CTNNA3: variants seen among roughly 807,000 people sequenced by gnomAD.
CTNNA3 encodes the protein catenin alpha 3.
Under a neutral mutation model 95.7 loss-of-function variants are expected in CTNNA3, and 76 were observed. The observed-to-expected ratio is 0.79, with a 90% CI of 0.66 to 0.96. The LOEUF is 0.96. CTNNA3 is among the 40% of genes least tolerant of loss of function. The pLI is 0.00. For missense variants in CTNNA3, 1,191 were observed against 1,089.8 expected (o/e 1.09, Z -1.31); for synonymous variants, 431 against 374.4 (o/e 1.15, Z -1.74).
chr10:66,908,486 A>G (rs2132549586), intron 7 of CTNNA3, among the ~76,000 whole-genome samples: 1 of 152,292 alleles, frequency 6.6e-6, no homozygotes, highest in East Asian at 1.9e-4. Flanking sequence ...GCAGACTACC[A>G]AAGACACTAT....
intron 7 of CTNNA3, among the ~76,000 whole-genome samples, chr10:67,103,517 G>A (rs1858459488): frequency 1.3e-5 from 2 of 151,692 alleles, no homozygotes; most frequent in African/African-American, 4.8e-5. Context: ...CAGGCACTAT[G>A]CCCTCCTCTC....
At chr10:67,258,034 C>A (rs1272085589) in intron 5 of CTNNA3, among the ~76,000 whole-genome samples, 3 of 152,152 alleles carry the variant, frequency 2.0e-5, no homozygotes, top group Non-Finnish European at 4.4e-5. Flanking sequence ...TGCCAGTCAC[C>A]TGGGTTTCAG....
chr10:66,872,929 A>G (rs899122883), intron 7 of CTNNA3, among the ~76,000 whole-genome samples: 4 of 152,152 alleles, frequency 2.6e-5, no homozygotes, highest in Admixed American at 2.0e-4. Flanking sequence ...TCCCACTTGT[A>G]AGTGAGAACA....
At chr10:67,551,786 A>T (rs1375448359) in intron 3 of CTNNA3, among the ~76,000 whole-genome samples, 1 of 152,100 alleles carries the variant, frequency 6.6e-6, no homozygotes. Flanking sequence ...TATCAATCAC[A>T]CTATTTTAGG....
intron 7 of CTNNA3, among the ~76,000 whole-genome samples, chr10:66,952,379 T>C (rs1028291744): frequency 1.3e-5 from 2 of 152,166 alleles, no homozygotes; most frequent in Non-Finnish European, 2.9e-5. Context: ...AATCAAATCT[T>C]CAGAGACAAA....
At chr10:66,589,516 A>G (rs1007338361) in intron 10 of CTNNA3, among the ~76,000 whole-genome samples, 1 of 152,084 alleles carries the variant, frequency 6.6e-6, no homozygotes, top group East Asian at 1.9e-4. Flanking sequence ...GTTCCTCTAC[A>G]TATCATTGTG....
At chr10:67,375,528 G>A (rs1258957457) in intron 5 of CTNNA3, among the ~76,000 whole-genome samples, 6 of 151,910 alleles carry the variant, frequency 3.9e-5, no homozygotes, top group African/African-American at 1.2e-4. Flanking sequence ...CAAGAGAATC[G>A]CTTCAACTCG....
At chr10:67,743,140 T>A (rs1841352514) in intron 1 of CTNNA3, among the ~76,000 whole-genome samples, 1 of 151,420 alleles carries the variant, frequency 6.6e-6, no homozygotes, top group East Asian at 1.9e-4. Flanking sequence ...GAATCCTCCC[T>A]AACTCATTTT....
intron 9 of CTNNA3, among the ~76,000 whole-genome samples, chr10:66,655,960 G>A (rs1846061333): frequency 1.3e-5 from 2 of 152,044 alleles, no homozygotes; most frequent in Non-Finnish European, 1.5e-5. Context: ...GCTCATATCT[G>A]TCATAGGAAT....
intron 5 of CTNNA3, among the ~76,000 whole-genome samples, chr10:67,497,629 C>T (rs1214739525): frequency 2.0e-5 from 3 of 152,164 alleles, no homozygotes; most frequent in African/African-American, 7.2e-5. Flanking sequence ...GCCATTCTAA[C>T]TGGCGTGAGA....
At chr10:66,814,316 A>C (rs1841997270) in intron 7 of CTNNA3, among the ~76,000 whole-genome samples, 1 of 151,942 alleles carries the variant, frequency 6.6e-6, no homozygotes, top group African/African-American at 2.4e-5. Flanking sequence ...TGCAAGACAG[A>C]GGAAACTAGA....
chr10:67,213,898 CA>C (rs1864241199), intron 6 of CTNNA3, among the ~76,000 whole-genome samples: 1 of 151,730 alleles, frequency 6.6e-6, no homozygotes, highest in Non-Finnish European at 1.5e-5. Context: ...TTTATCCTAT[CA>C]GTAGATAGTA....
At chr10:67,193,926 A>T (rs894144953) in intron 6 of CTNNA3, among the ~76,000 whole-genome samples, 1 of 152,088 alleles carries the variant, frequency 6.6e-6, no homozygotes, top group Non-Finnish European at 1.5e-5. Context: ...TTAGGCTCCC[A>T]CTAGCTGTGT....
At chr10:67,621,608 G>T (rs1399229696) in intron 2 of CTNNA3, among the ~76,000 whole-genome samples, 1 of 152,032 alleles carries the variant, frequency 6.6e-6, no homozygotes, top group Admixed American at 6.6e-5. Flanking sequence ...AATTAGCTGG[G>T]CATGATGGTG....
intron 2 of CTNNA3, among the ~76,000 whole-genome samples, chr10:67,608,841 A>T (rs1843360908): frequency 6.6e-6 from 1 of 152,178 alleles, no homozygotes; most frequent in South Asian, 2.1e-4. Flanking sequence ...CCATAATCCT[A>T]GCACTCTGGG....
chr10:67,463,981 C>T (rs1165975381), intron 5 of CTNNA3, among the ~76,000 whole-genome samples: 4 of 152,136 alleles, frequency 2.6e-5, no homozygotes, highest in Non-Finnish European at 5.9e-5. Flanking sequence ...TATGCTCCTA[C>T]GAATGCTCTA....
intron 7 of CTNNA3, among the ~76,000 whole-genome samples, chr10:66,812,261 T>C (rs1229229051): frequency 6.6e-6 from 1 of 152,172 alleles, no homozygotes; most frequent in Non-Finnish European, 1.5e-5. Flanking sequence ...AGTCAGATTG[T>C]AGTTCTGTGA....
chr10:65,992,867 G>C (rs932576963), intron 15 of CTNNA3, among the ~76,000 whole-genome samples: 1 of 151,944 alleles, frequency 6.6e-6, no homozygotes, highest in Non-Finnish European at 1.5e-5. Context: ...TTTTATAGTA[G>C]GAATTTATTG....
chr10:66,262,426 C>T (rs2091033364), intron 13 of CTNNA3, among the ~76,000 whole-genome samples: 2 of 151,378 alleles, frequency 1.3e-5, no homozygotes, highest in Non-Finnish European at 2.9e-5. Flanking sequence ...TTTTGCTTAC[C>T]TAAGGAAAAG....
Sources: allele counts gnomAD v4.1 joint callset (sites outside exome capture counted in the v4.1 genomes callset), GRCh38; gene constraint gnomAD v4.1.1; transcripts MANE v1.5; gene names NCBI Gene and HGNC (gene_info 2026-07-23, HGNC 2026-07-21).